The following APP variants were observed in gnomAD, a reference collection of about 807,000 sequenced individuals.
APP encodes the protein amyloid beta precursor protein.
Under a neutral mutation model 101.4 loss-of-function variants are expected in APP, and 31 were observed. The observed-to-expected ratio is 0.31, with a 90% CI of 0.23 to 0.41. APP has a LOEUF of 0.41. APP is among the 10% of genes least tolerant of loss of function. APP has a pLI of 1.00. For synonymous variants in APP, 366 were observed against 364.4 expected, an observed-to-expected ratio of 1.00 and a Z score of -0.05; for missense variants, 839 against 1,003.7, an observed-to-expected ratio of 0.84 and a Z score of 2.22.
chr21:25,887,414 A>C (rs1424731095), intron 17 of APP, among the ~76,000 whole-genome samples: 1 of 151,816 alleles, frequency 6.6e-6, no homozygotes, highest in East Asian at 1.9e-4. Flanking sequence ...AGCACCAATA[A>C]GGCACAGTTA....
intron 3 of APP, among the ~76,000 whole-genome samples, chr21:26,078,900 G>A (rs967731696): frequency 2.4e-4 from 37 of 152,142 alleles, no homozygotes; most frequent in Admixed American, 2.4e-3. Flanking sequence ...AAAAATAGCT[G>A]GGCATGGTGG....
chr21:25,915,352 T>C (rs1228762254), intron 13 of APP, among the ~76,000 whole-genome samples: 3 of 152,228 alleles, frequency 2.0e-5, no homozygotes, highest in African/African-American at 7.2e-5. Context: ...GCAGGCATTA[T>C]TAATCTGATG....
At chr21:25,993,006 C>T (rs1463505197) in intron 8 of APP, among the ~76,000 whole-genome samples, 1 of 152,212 alleles carries the variant, frequency 6.6e-6, no homozygotes, top group Non-Finnish European at 1.5e-5. Context: ...TGTCTTATGG[C>T]TCCTGTCTTT....
At chr21:25,933,874 T>C (rs771437352) in intron 13 of APP, 8 of 152,154 alleles carry the variant, frequency 5.3e-5, no homozygotes, top group Non-Finnish European at 1.0e-4. Context: ...TTGAAAAAAT[T>C]TGACAATAGT....
chr21:26,112,192 G>A (rs988591034), intron 1 of APP, 46 bp from the exon 2 acceptor site: 2 of 1,582,744 alleles, frequency 1.3e-6, no homozygotes, highest in African/African-American at 1.3e-5. Flanking sequence ...TAGCTCCAAG[G>A]CAGAGGCTTG....
At chr21:26,024,951 A>C (rs2044504323) in intron 5 of APP, among the ~76,000 whole-genome samples, 1 of 152,256 alleles carries the variant, frequency 6.6e-6, no homozygotes, top group African/African-American at 2.4e-5. Context: ...ATATGTTAAT[A>C]AATGAAGTGT....
chr21:26,133,414 T>C (rs546518213), intron 1 of APP, among the ~76,000 whole-genome samples: 32 of 152,242 alleles, frequency 2.1e-4, no homozygotes, highest in Non-Finnish European at 4.4e-4. Flanking sequence ...TATTCACAAT[T>C]ACTAGGAAGA....
At chr21:25,943,974 T>C (rs1286971241) in intron 13 of APP, among the ~76,000 whole-genome samples, 2 of 152,132 alleles carry the variant, frequency 1.3e-5, no homozygotes, top group Non-Finnish European at 2.9e-5. Flanking sequence ...TACAGGAAGC[T>C]GAAGACATAG....
intron 2 of APP, among the ~76,000 whole-genome samples, chr21:26,104,826 T>C (rs1181095395): frequency 6.6e-6 from 1 of 152,178 alleles, no homozygotes; most frequent in Non-Finnish European, 1.5e-5. Context: ...GTTAAACTTG[T>C]GAGCAAAAAG....
intron 8 of APP, among the ~76,000 whole-genome samples, chr21:25,996,223 T>C (rs1340798304): frequency 6.6e-6 from 1 of 152,230 alleles, no homozygotes; most frequent in Non-Finnish European, 1.5e-5. Flanking sequence ...CATTTCTTTA[T>C]AGGAGGCTCT....
chr21:26,069,959 T>C (rs1214544946), intron 3 of APP, among the ~76,000 whole-genome samples: 27 of 152,198 alleles, frequency 1.8e-4, no homozygotes, highest in Non-Finnish European at 2.5e-4. Flanking sequence ...TACTTGAAAC[T>C]GGCACCACCT....
chr21:25,969,524 C>G (rs2041929947), intron 11 of APP, among the ~76,000 whole-genome samples: 1 of 151,760 alleles, frequency 6.6e-6, no homozygotes, highest in Admixed American at 6.6e-5. Context: ...CTGTGACCAC[C>G]CAGCCACATT....
chr21:26,024,745 G>C (rs1246204301), intron 5 of APP, among the ~76,000 whole-genome samples: 1 of 152,100 alleles, frequency 6.6e-6, no homozygotes, highest in African/African-American at 2.4e-5. Context: ...TGATTACGTA[G>C]GATACAAGAA....
At chr21:25,909,350 C>T (rs1469112801) in intron 14 of APP, among the ~76,000 whole-genome samples, 5 of 151,322 alleles carry the variant, frequency 3.3e-5, no homozygotes, top group African/African-American at 1.2e-4. Context: ...AATGTTGGGA[C>T]TGATAATGAA....
intron 13 of APP, among the ~76,000 whole-genome samples, chr21:25,946,581 G>A (rs1371453643): frequency 3.9e-5 from 6 of 152,106 alleles, no homozygotes; most frequent in African/African-American, 1.2e-4. Context: ...CACGAGAATC[G>A]CTTGAATCCG....
chr21:26,088,543 G>A (rs1204208296), intron 3 of APP, among the ~76,000 whole-genome samples: 3 of 152,144 alleles, frequency 2.0e-5, no homozygotes, highest in Non-Finnish European at 4.4e-5. Flanking sequence ...CAAATTAACA[G>A]ACTCATGATC....
chr21:25,942,739 T>C (rs1286049374), intron 13 of APP: 5 of 152,230 alleles, frequency 3.3e-5, no homozygotes, highest in African/African-American at 1.2e-4. Context: ...CAATGGCGAA[T>C]GATATGAATA....
intron 7 of APP, 99 bp downstream of exon 7, chr21:25,999,916 G>T: frequency 7.3e-7 from 1 of 1,362,968 alleles, no homozygotes; most frequent in Non-Finnish European, 1.0e-6. Flanking sequence ...GTAGCAACAG[G>T]CCCATTCCCA....
chr21:26,066,563 G>C (rs2046461156), intron 3 of APP, among the ~76,000 whole-genome samples: 1 of 135,660 alleles, frequency 7.4e-6, no homozygotes, highest in Non-Finnish European at 1.5e-5. Flanking sequence ...TTTTGAATTT[G>C]ACTCTTCAAA....
Sources: gnomAD v4.1 joint callset for allele counts (sites outside exome capture counted in the v4.1 genomes callset) on GRCh38, gnomAD v4.1.1 for gene constraint, MANE v1.5 for transcripts, NCBI Gene and HGNC (gene_info 2026-07-23, HGNC 2026-07-21) for gene names.